Variants in DNAH2 observed in about 807,000 individuals in gnomAD.
The protein encoded by DNAH2 is dynein axonemal heavy chain 2.
In DNAH2, 323 loss-of-function variants were observed where a neutral mutation model predicts 523.5. That is an observed-to-expected ratio of 0.62 (90% CI 0.56 to 0.68). The LOEUF is 0.68. DNAH2 is among the 30% of genes least tolerant of loss of function. DNAH2 has a pLI of 0.00. For missense variants in DNAH2, 4,907 were observed against 5,701.5 expected (o/e 0.86, Z 4.49); for synonymous variants, 2,093 against 2,177.4 (o/e 0.96, Z 1.08).
intron 11 of DNAH2, 53 bp from the exon 12 acceptor site, chr17:7,742,873 GCC>G: frequency 7.9e-7 from 1 of 1,273,866 alleles, no homozygotes; most frequent in Non-Finnish European, 1.0e-6. Context: ...GGAGATGGTG[GCC>G]CCTGGAGGAA....
chr17:7,747,302 T>G (rs1215508243), intron 12 of DNAH2, among the ~76,000 whole-genome samples: 1 of 152,012 alleles, frequency 6.6e-6, no homozygotes, highest in Non-Finnish European at 1.5e-5. Context: ...TAACAATCTG[T>G]GTGGGGGATC....
Position 7,778,188 on chromosome 17 carries a change from ATG to A in DNAH2, c.5351+11_5351+12del. 2 of 1,614,212 alleles carry A rather than the reference ATG, an allele frequency of 1.2e-6. No individual in the cohort carries two copies. Among genetic ancestry groups the A allele is most frequent in the Non-Finnish European group, 1.7e-6 (2 of 1,180,034 alleles). On this transcript the variant is annotated intron_variant, in intron 34 of 85. Transcript: ENST00000572933. ...CACCCCCCTGACGGACAGGTCTGCCATGTGGGATGAATGAGGTGGCTGGGGTG... is the reference window on the plus strand; with the variant it reads ...CACCCCCCTGACGGACAGGTCTGCCATGGGATGAATGAGGTGGCTGGGGTG...
chr17:7,812,165 G>A lies in DNAH2; in HGVS notation c.9730-4406G>A, dbSNP rs2077534179. 2.0e-5 allele frequency among the ~76,000 whole-genome samples: 3 copies of A among 152,258 alleles called. No homozygotes were observed. In the South Asian group the frequency reaches 6.2e-4, roughly 32 times the overall value. ...GACTTGTGCACTTAAATTTAACTAG[G>A]AGAAATCTTTAGCAATAGATTAATA... is the stretch of plus-strand genomic sequence containing the variant. On this transcript the variant is annotated intron_variant, in intron 63 of 85. Coordinates refer to ENST00000572933, the MANE Select transcript of DNAH2 (RefSeq NM_020877.5).
At chr17:7,739,077 C>T in intron 8 of DNAH2, 1 of 690,708 alleles carries the variant, frequency 1.4e-6, no homozygotes, top group South Asian at 1.5e-5. Flanking sequence ...CCACCTCCCA[C>T]CCCAGGAACC....
At chr17:7,792,109 C>T (rs73232360) in intron 45 of DNAH2, 40 bp downstream of exon 45, 91,891 of 1,609,472 alleles carry the variant, frequency 0.057, 3,884 homozygotes, top group South Asian at 0.18. Flanking sequence ...CCCTGTTTTT[C>T]CAGACCCCCT....
At chr17:7,825,858 C>T (rs913543460) in intron 77 of DNAH2, among the ~76,000 whole-genome samples, 1 of 152,194 alleles carries the variant, frequency 6.6e-6, no homozygotes, top group Non-Finnish European at 1.5e-5. Context: ...TTTGTCCCAA[C>T]CCCCAAGACT....
At chr17:7,799,526 A>G (rs970825779) in intron 56 of DNAH2, among the ~76,000 whole-genome samples, 4 of 152,194 alleles carry the variant, frequency 2.6e-5, no homozygotes, top group Non-Finnish European at 5.9e-5. Flanking sequence ...TTAAAAACAC[A>G]CACACACAGG....
chr17:7,723,001 G>T, intron 2 of DNAH2, among the ~76,000 whole-genome samples: 1 of 118,018 alleles, frequency 8.5e-6, no homozygotes, highest in Non-Finnish European at 1.6e-5. Context: ...CAGAGTCTTC[G>T]CTCTGTTGCC....
rs200273996 is a variant in DNAH2 at position 7,759,534 on chromosome 17, A to T, written c.2561A>T (p.Asp854Val). ...LLELSKAING[D>V]GKTSPNPLFQ... ...GAACTATCCAAGGCTATCAACGGGG[A>T]TGGAAAGACCAGCCCAAACCCACTC... Residue 854 changes from aspartate to valine, a missense_variant, in exon 16 of 86, where the codon GAT becomes GTT. Around this residue, in one of 3 missense-constraint regions of DNAH2, gnomAD observed 2,806 missense variants for 3,190.8 expected, o/e 0.88. Transcript: ENST00000572933. 8.1e-6 allele frequency: 13 copies of T among 1,614,210 alleles called. No homozygotes were observed. The East Asian group carries it at 1.1e-4, about 14-fold the overall frequency.
rs1048189967 is a variant in DNAH2 at position 7,824,700 on chromosome 17, C to T, written c.11826C>T (p.Ser3942=). 1 of 1,586,188 alleles carries T rather than the reference C, an allele frequency of 6.3e-7. No individual in the cohort carries two copies. The highest frequency in any genetic ancestry group is 1.7e-5 in the Admixed American group (1 of 58,178). ...TCCCTATCTCAATCTTGCAGGTCAGCATCAAGATGACCACAGAGCCACCAA... is the reference window on the plus strand; with the variant it reads ...TCCCTATCTCAATCTTGCAGGTCAGTATCAAGATGACCACAGAGCCACCAA... ...PDFPISILQV[S]IKMTTEPPKG... is the part of the protein sequence containing the mutation. Residue 3942 remains serine, a synonymous_variant, in exon 77 of 86, where the codon AGC becomes AGT. Coordinates refer to ENST00000572933, the MANE Select transcript of DNAH2 (RefSeq NM_020877.5).
Position 7,823,370 on chromosome 17 carries a change from A to G in DNAH2, c.11143-72A>G, listed in dbSNP as rs966025680. The G allele has an allele frequency of 4.2e-6, 6 of 1,445,518 alleles. No individual in the cohort carries two copies. In the Admixed American group the frequency reaches 7.6e-5, roughly 18 times the overall value. The allele number at this position is 1,445,518 out of a possible 1,614,324, so 89.5% of individuals were successfully genotyped here. On this transcript the variant is annotated intron_variant, in intron 73 of 85. Transcript: ENST00000572933. ...TACAGAGAGAGAGAGAGAGAGAGAG[A>G]GGAGAAAAAGATCACTCTTCTTTTG...
At chr17:7,719,650 AC>A in intron 1 of DNAH2, 70 bp from the exon 2 acceptor site, 1 of 1,567,230 alleles carries the variant, frequency 6.4e-7, no homozygotes, top group Non-Finnish European at 8.8e-7. Context: ...TTCAAAAGGG[AC>A]TGCTTGTATC....
intron 56 of DNAH2, among the ~76,000 whole-genome samples, chr17:7,801,334 C>T (rs1393842060): frequency 1.4e-5 from 2 of 145,696 alleles, no homozygotes; most frequent in East Asian, 4.1e-4. Flanking sequence ...ATTCAAAGAG[C>T]TTAGATACTT....
At chr17:7,779,471 T>C (rs1397372054) in intron 36 of DNAH2, 48 bp downstream of exon 36, 1 of 1,581,462 alleles carries the variant, frequency 6.3e-7, no homozygotes, top group East Asian at 2.3e-5. Context: ...AAGAACTGGG[T>C]GTTCAGGGGA....
Position 7,831,287 on chromosome 17 carries a change from G to C in DNAH2, c.12432G>C (p.Arg4144Ser). 1 of 1,614,130 alleles carries C rather than the reference G, an allele frequency of 6.2e-7. No individual in the cohort carries two copies. The highest frequency in any genetic ancestry group is 8.5e-7 in the Non-Finnish European group (1 of 1,180,038). ...LSLQPQITPT[R>S]AGGQTREEKV... is the part of the protein sequence containing the mutation. ...TGCAACCTCAGATTACACCCACCAG[G>C]GCTGGAGGCCAGACCCGGGAAGAGA... Residue 4144 changes from arginine to serine, a missense_variant, in exon 80 of 86, where the codon AGG (arginine) becomes AGC (serine). By Grantham distance (110) the Arg-to-Ser change is moderately radical (BLOSUM62 -1). Transcript: ENST00000572933. This position sits in a 1 kb window ranked among gnomAD's most constrained non-coding sequence, Gnocchi z 4.2.
chr17:7,814,201 AAAAC>A (rs1218504725), intron 63 of DNAH2, among the ~76,000 whole-genome samples: 1 of 151,540 alleles, frequency 6.6e-6, no homozygotes, highest in Non-Finnish European at 1.5e-5. Context: ...AAAAAAAAAA[AAAAC>A]AGATAGTAAA....
rs1440648168 is a variant in DNAH2 at position 7,740,559 on chromosome 17, CCCCGCGGCTTCCTCGGCTTCCCGT to C, written c.1506+17_1506+40del. On this transcript the variant is annotated intron_variant, in intron 10 of 85. Transcript: ENST00000572933. Reference sequence around the variant, plus strand: ...GCTTGCCTCCCGCGAGGTGCGGCTGCCCCGCGGCTTCCTCGGCTTCCCGTCCCGCGTGCTTTCCTGGAGTCCCTC... The same window carrying C: ...GCTTGCCTCCCGCGAGGTGCGGCTGCCCCGCGTGCTTTCCTGGAGTCCCTC... 1 of 1,612,248 alleles carries C rather than the reference CCCCGCGGCTTCCTCGGCTTCCCGT, an allele frequency of 6.2e-7. No homozygotes were observed. The highest frequency in any genetic ancestry group is 8.5e-7 in the Non-Finnish European group (1 of 1,179,756).
At chr17:7,766,743 G>A (rs1004805254) in intron 22 of DNAH2, among the ~76,000 whole-genome samples, 2 of 144,554 alleles carry the variant, frequency 1.4e-5, no homozygotes, top group Non-Finnish European at 3.0e-5. Context: ...TGCCTCCCGG[G>A]TTCAAGCGAT....
chr17:7,725,239 G>A (rs892916053), intron 3 of DNAH2, among the ~76,000 whole-genome samples: 5 of 150,630 alleles, frequency 3.3e-5, no homozygotes, highest in Non-Finnish European at 7.4e-5. Context: ...ACAGGCACAC[G>A]CCACCATGCT....
Sources: gnomAD v4.1 joint callset for allele counts (sites outside exome capture counted in the v4.1 genomes callset) on GRCh38, gnomAD v4.1.1 for gene constraint, gnomAD v4.1.1 regional missense constraint, Gnocchi (gnomAD v3.1) non-coding constraint, MANE v1.5 for transcripts, NCBI Gene and HGNC (gene_info 2026-07-23, HGNC 2026-07-21) for gene names.